The following NBEA variants were observed in gnomAD, a reference collection of about 807,000 sequenced individuals.
The protein encoded by NBEA is lysosomal-trafficking regulator 2.
In NBEA, 44 loss-of-function variants were observed where a neutral mutation model predicts 343.4. The observed-to-expected ratio is 0.13, with a 90% CI of 0.10 to 0.16. NBEA has a LOEUF of 0.16. Ranked by LOEUF, NBEA falls within the 10% of genes least tolerant of loss-of-function variation. The probability of loss-of-function intolerance (pLI) is 1.00; values close to 1 mark genes in which losing one functional copy is unlikely to be tolerated. For synonymous variants in NBEA, 1,175 were observed against 1,238.7 expected, an observed-to-expected ratio of 0.95 and a Z score of 1.08; for missense variants, 2,555 against 3,631.3, an observed-to-expected ratio of 0.70 and a Z score of 7.62.
At chr13:35,328,097 G>T (rs752855322) in intron 36 of NBEA, among the ~76,000 whole-genome samples, 16 of 151,996 alleles carry the variant, frequency 1.1e-4, no homozygotes, top group Middle Eastern at 3.4e-3. Context: ...TTCTTGGCCA[G>T]TTCATTTTGG....
chr13:35,124,742 A>G (rs1183597840), intron 17 of NBEA, among the ~76,000 whole-genome samples: 1 of 151,702 alleles, frequency 6.6e-6, no homozygotes, highest in South Asian at 2.1e-4. Flanking sequence ...GTATGGATAT[A>G]TACACACATA....
intron 41 of NBEA, among the ~76,000 whole-genome samples, chr13:35,521,444 A>G (rs2152992597): frequency 6.6e-6 from 1 of 152,356 alleles, no homozygotes; most frequent in East Asian, 1.9e-4. Flanking sequence ...ATTTATTTTA[A>G]GCAATAGGAG....
intron 34 of NBEA, among the ~76,000 whole-genome samples, chr13:35,256,231 TAGAA>T (rs902540507): frequency 2.1e-4 from 32 of 152,146 alleles, no homozygotes; most frequent in African/African-American, 7.7e-4. Context: ...AGACCCATAG[TAGAA>T]AGCTCCTTTC....
At chr13:35,327,233 C>G (rs2038623445) in intron 36 of NBEA, among the ~76,000 whole-genome samples, 1 of 152,006 alleles carries the variant, frequency 6.6e-6, no homozygotes, top group African/African-American at 2.4e-5. Flanking sequence ...TCTTAAAAAG[C>G]TTAAAACAGA....
chr13:35,295,222 A>G (rs910489084), intron 35 of NBEA, among the ~76,000 whole-genome samples: 13 of 150,740 alleles, frequency 8.6e-5, no homozygotes, highest in Non-Finnish European at 1.9e-4. Flanking sequence ...ACCTTCCTCA[A>G]GAGTATTTTT....
intron 6 of NBEA, among the ~76,000 whole-genome samples, chr13:35,052,566 G>C (rs1219863279): frequency 6.6e-6 from 1 of 151,490 alleles, no homozygotes; most frequent in Non-Finnish European, 1.5e-5. Flanking sequence ...ACTAAATGCA[G>C]ACTTCAGTAT....
intron 4 of NBEA, among the ~76,000 whole-genome samples, chr13:35,046,124 T>G (rs2062846175): frequency 1.3e-5 from 2 of 152,158 alleles, no homozygotes; most frequent in Non-Finnish European, 2.9e-5. Context: ...TGTTCTCTCT[T>G]TTTTTGAGTA....
chr13:35,594,201 C>T (rs2081657026), intron 47 of NBEA, among the ~76,000 whole-genome samples: 1 of 151,870 alleles, frequency 6.6e-6, no homozygotes, highest in Non-Finnish European at 1.5e-5. Flanking sequence ...TTATTTTAAG[C>T]TCATTTTCTT....
chr13:35,211,000 A>T, intron 32 of NBEA, 53 bp from the exon 33 acceptor site: 8 of 1,516,656 alleles, frequency 5.3e-6, no homozygotes, highest in East Asian at 2.5e-5. Context: ...TGTAATTAAA[A>T]TTTTTTTAAA....
At chr13:35,588,489 T>C (rs2081384804) in intron 46 of NBEA, among the ~76,000 whole-genome samples, 1 of 152,212 alleles carries the variant, frequency 6.6e-6, no homozygotes, top group South Asian at 2.1e-4. Context: ...TTTGTTTCAA[T>C]GTACTTAGTA....
chr13:35,545,747 T>C (rs988143554), intron 41 of NBEA, among the ~76,000 whole-genome samples: 1 of 152,168 alleles, frequency 6.6e-6, no homozygotes, highest in African/African-American at 2.4e-5. Context: ...AATCCTTTCA[T>C]TGTAAAGGTA....
At chr13:35,380,068 C>A (rs57161213) in intron 38 of NBEA, among the ~76,000 whole-genome samples, 1,845 of 152,258 alleles carry the variant, frequency 0.012, 47 homozygotes, top group African/African-American at 0.043. Context: ...GAAGTGACAC[C>A]TTTGCACTTT....
At chr13:35,480,753 G>T (rs2152966556) in intron 41 of NBEA, among the ~76,000 whole-genome samples, 1 of 151,772 alleles carries the variant, frequency 6.6e-6, no homozygotes, top group South Asian at 2.1e-4. Context: ...TTACACTAGA[G>T]AAATTAAAGA....
intron 30 of NBEA, among the ~76,000 whole-genome samples, chr13:35,184,681 A>G (rs917399516): frequency 5.3e-5 from 8 of 152,140 alleles, no homozygotes; most frequent in African/African-American, 1.9e-4. Context: ...CATTACATGT[A>G]TATTCAAGAT....
intron 16 of NBEA, among the ~76,000 whole-genome samples, chr13:35,122,190 G>A (rs910160242): frequency 3.3e-5 from 5 of 151,966 alleles, no homozygotes; most frequent in African/African-American, 1.2e-4. Context: ...AGCTTTTAAA[G>A]TAAAAACTGA....
chr13:35,042,865 A>G (rs1177821587), intron 2 of NBEA, among the ~76,000 whole-genome samples: 1 of 151,836 alleles, frequency 6.6e-6, no homozygotes, highest in Non-Finnish European at 1.5e-5. Flanking sequence ...AAACACGACT[A>G]ACAGTTCATA....
intron 34 of NBEA, among the ~76,000 whole-genome samples, chr13:35,254,160 T>G (rs1220686765): frequency 6.6e-6 from 1 of 151,992 alleles, no homozygotes; most frequent in East Asian, 1.9e-4. Context: ...TATAATAATA[T>G]ATATAAGAAC....
At chr13:35,015,278 A>T (rs969773233) in intron 1 of NBEA, among the ~76,000 whole-genome samples, 1 of 152,088 alleles carries the variant, frequency 6.6e-6, no homozygotes, top group African/African-American at 2.4e-5. Context: ...AATTGAAATA[A>T]TGTAGCTATT....
intron 34 of NBEA, among the ~76,000 whole-genome samples, chr13:35,266,709 C>A (rs1184533059): frequency 6.6e-6 from 1 of 151,656 alleles, no homozygotes; most frequent in East Asian, 1.9e-4. Flanking sequence ...TGGGGAGATA[C>A]TGATCAATGG....
Sources: allele counts gnomAD v4.1 joint callset (sites outside exome capture counted in the v4.1 genomes callset), GRCh38; gene constraint gnomAD v4.1.1; transcripts MANE v1.5; gene names NCBI Gene and HGNC (gene_info 2026-07-23, HGNC 2026-07-21).